OAS2: variants seen among roughly 807,000 people sequenced by gnomAD.
The protein encoded by OAS2 is 2'-5'-oligoadenylate synthetase 2, also known as 2'-5'-oligoadenylate synthase 2.
In OAS2, 67 loss-of-function variants were observed where a neutral mutation model predicts 71.3. The ratio of observed to expected loss-of-function variants is 0.94; its 90% CI spans 0.77 to 1.15. The LOEUF is 1.15. Ranked by LOEUF, OAS2 falls within the 50% of genes most tolerant of loss-of-function variation. The pLI, the probability that OAS2 is intolerant of heterozygous loss-of-function variation, is 0.00. For missense variants in OAS2, 789 were observed against 822.5 expected (o/e 0.96, Z 0.50); for synonymous variants, 327 against 321.8 (o/e 1.02, Z -0.17).
At position 113,010,573 on chromosome 12, in the gene OAS2, C is replaced by T; in HGVS notation, c.*1318C>T. On this transcript the variant is annotated 3_prime_UTR_variant, in exon 10 of 10. Transcript: ENST00000392583. ...TCTTCCCTTGATGGTCCCTATTCCT[C>T]CTTCCCTTGCTTCTTGGACTTCTTG... 6.5e-7 allele frequency: 1 copy of T among 1,534,270 alleles called. No homozygotes were observed. Among genetic ancestry groups the T allele is most frequent in the Non-Finnish European group, 8.7e-7 (1 of 1,148,350 alleles).
rs115579124 is a variant in OAS2 at position 112,983,812 on chromosome 12, C to T, written c.178-3226C>T. On this transcript the variant is annotated intron_variant, in intron 1 of 9. Transcript: ENST00000392583. The stretch of plus-strand genomic sequence containing the variant: ...GTCTGTATCCATTGTGGTAAGTATC[C>T]ATTAAGATACCTGACAGTATTTCAA... 2.7e-3 allele frequency among the ~76,000 whole-genome samples: 407 copies of T among 152,258 alleles called. 1 individual carries two copies. The highest frequency in any genetic ancestry group is 9.4e-3 in the African/African-American group (392 of 41,524).
intron 1 of OAS2, among the ~76,000 whole-genome samples, chr12:112,980,431 A>G (rs540883942): frequency 3.9e-5 from 6 of 152,262 alleles, no homozygotes; most frequent in African/African-American, 1.4e-4. Flanking sequence ...GGTAACTATG[A>G]TCCTACTCTC....
In OAS2 at chr12:113,006,614, T is replaced by C; in HGVS notation, c.1656+14T>C. 1 of 1,543,130 alleles carries C rather than the reference T, an allele frequency of 6.5e-7. No individual in the cohort carries two copies. The highest frequency in any genetic ancestry group is 1.2e-5 in the South Asian group (1 of 82,280). ...TGGTACAAAGAGGTAAGGACAGTCT[T>C]TGTTCTGACCATGGGGTTATTATTT... On this transcript the variant is annotated intron_variant, in intron 8 of 9. Coordinates refer to ENST00000392583, the MANE Select transcript of OAS2 (RefSeq NM_002535.3).
chr12:113,004,008 C>G (rs537959960), intron 6 of OAS2, among the ~76,000 whole-genome samples: 1 of 152,284 alleles, frequency 6.6e-6, no homozygotes, highest in Non-Finnish European at 1.5e-5. Flanking sequence ...ACCCCATTCA[C>G]ATGATAGTCA....
chr12:113,007,756 G>A lies in OAS2; in HGVS notation c.1708G>A (p.Glu570Lys). The A allele has an allele frequency of 6.2e-7, 1 of 1,614,146 alleles. No individual in the cohort carries two copies. Among genetic ancestry groups the A allele is most frequent in the Non-Finnish European group, 8.5e-7 (1 of 1,180,004 alleles). The change falls in exon 9 of 10, where the codon GAG becomes AAG. Residue 570 changes from glutamate to lysine, a missense_variant. Physicochemically the swap from Glu to Lys is moderately conservative, Grantham distance 56 (BLOSUM62 1). Coordinates refer to ENST00000392583, the MANE Select transcript of OAS2 (RefSeq NM_002535.3). ...GTCTTTGCCCCCAAAGTATGCCTTGGAGCTGCTCACCATCTATGCCTGGGA... is the reference window on the plus strand; with the variant it reads ...GTCTTTGCCCCCAAAGTATGCCTTGAAGCTGCTCACCATCTATGCCTGGGA... ...KGSLPPKYAL[E>K]LLTIYAWEQG...
At chr12:112,989,384 C>T (rs1391366795) in intron 2 of OAS2, among the ~76,000 whole-genome samples, 2 of 152,136 alleles carry the variant, frequency 1.3e-5, no homozygotes. Context: ...AGCATGAGAA[C>T]AGACTAATAC....
chr12:112,980,165 A>G (rs555776598), intron 1 of OAS2, among the ~76,000 whole-genome samples: 1 of 152,224 alleles, frequency 6.6e-6, no homozygotes, highest in South Asian at 2.1e-4. Context: ...GGTACATGTG[A>G]TATTTGGACA....
At position 112,978,843 on chromosome 12, in the gene OAS2, A is replaced by G; in HGVS notation, c.177+58A>G. On this transcript the variant is annotated intron_variant, in intron 1 of 9. Transcript: ENST00000392583. This position sits in a 1 kb window ranked among gnomAD's most constrained non-coding sequence, Gnocchi z 4.2. ...GGCAGGAGATTCCACGGCGGCAGCAAGGCCGAGCTACTGGGTGCTGGGTGC... is the reference window on the plus strand; with the variant it reads ...GGCAGGAGATTCCACGGCGGCAGCAGGGCCGAGCTACTGGGTGCTGGGTGC... The G allele has an allele frequency of 1.9e-6, 3 of 1,544,186 alleles. No individual in the cohort carries two copies. In the East Asian group the frequency reaches 6.9e-5, roughly 35 times the overall value.
chr12:112,986,105 A>T (rs2136378189), intron 1 of OAS2, among the ~76,000 whole-genome samples: 1 of 152,366 alleles, frequency 6.6e-6, no homozygotes, highest in East Asian at 1.9e-4. Context: ...TTTCATTAGC[A>T]TCAGTGTTGT....
Position 113,009,350 on chromosome 12 carries a change from G to C in OAS2, c.*95G>C. 6.5e-7 allele frequency: 1 copy of C among 1,541,206 alleles called. No homozygotes were observed. The highest frequency in any genetic ancestry group is 8.7e-7 in the Non-Finnish European group (1 of 1,148,516). ...GAAATTAACTCAGACACAAATAAAG[G>C]AAACCCAGCTCACAGGAGCTTAAAC... On this transcript the variant is annotated 3_prime_UTR_variant, in exon 10 of 10. Coordinates refer to ENST00000392583, the MANE Select transcript of OAS2 (RefSeq NM_002535.3).
At chr12:112,983,786 G>A (rs2044104943) in intron 1 of OAS2, among the ~76,000 whole-genome samples, 1 of 152,064 alleles carries the variant, frequency 6.6e-6, no homozygotes, top group East Asian at 1.9e-4. Flanking sequence ...GTTCCATTGT[G>A]GTCTGTATCC....
chr12:113,002,807 T>C (rs1478034929), intron 5 of OAS2, 125 bp from the exon 6 acceptor site: 3 of 779,126 alleles, frequency 3.9e-6, no homozygotes, highest in Admixed American at 2.3e-5. Context: ...ACGGAAAAGA[T>C]GCCAGCCCAC....
chr12:112,988,847 A>AGAGGGTTCTTGG, intron 2 of OAS2: 3 of 546,448 alleles, frequency 5.5e-6, no homozygotes, highest in Non-Finnish European at 7.0e-6. Flanking sequence ...GAGATCCAAG[A>AGAGGGTTCTTGG]ACCCTCTCTT....
rs372590794 is a variant in OAS2 at position 112,997,559 on chromosome 12, T to A, written c.667T>A (p.Tyr223Asn). ...KIKDLPSLSP[Y>N]ALELLTVYAW... ...CAAGGATTTACCCTCGCTGTCTCCG[T>A]ATGCCCTGGAGCTGCTTACGGTGTA... The change falls in exon 4 of 10, where the codon TAT (tyrosine) becomes AAT (asparagine). Residue 223 changes from tyrosine to asparagine, a missense_variant. Transcript: ENST00000392583. 1.9e-5 allele frequency: 30 copies of A among 1,614,030 alleles called. No homozygotes were observed. In the African/African-American group the frequency reaches 4.0e-4, roughly 22 times the overall value.
rs201224493 is a variant in OAS2 at position 113,009,098 on chromosome 12, T to C, written c.1907T>C (p.Leu636Ser). The change falls in exon 10 of 10, where the codon TTG (leucine) becomes TCG (serine). Residue 636 changes from leucine to serine, a missense_variant. By Grantham distance (145) the Leu-to-Ser change is moderately radical (BLOSUM62 -2). Coordinates refer to ENST00000392583, the MANE Select transcript of OAS2 (RefSeq NM_002535.3). ...SQLQKTRPVI[L>S]DPAEPTGDVG... ...AACCTCTCATTCAGGCCTGTGATCT[T>C]GGACCCAGCCGAACCCACAGGTGAC... The C allele has an allele frequency of 4.5e-5, 72 of 1,613,474 alleles. No individual in the cohort carries two copies. The highest frequency in any genetic ancestry group is 5.8e-5 in the Non-Finnish European group (68 of 1,179,918).
chr12:112,993,470 C>G (rs2044209073), intron 2 of OAS2, among the ~76,000 whole-genome samples: 1 of 152,200 alleles, frequency 6.6e-6, no homozygotes, highest in African/African-American at 2.4e-5. Flanking sequence ...ATAGAATGCT[C>G]TTTCCGTCAA....
intron 2 of OAS2, chr12:112,988,363 T>TGGACAGG (rs1436325004): frequency 3.8e-5 from 16 of 419,652 alleles, no homozygotes; most frequent in Non-Finnish European, 5.1e-5. Flanking sequence ...AGAAGATTTA[T>TGGACAGG]GGACAGGAAA....
In OAS2 at chr12:113,006,655, G is replaced by A. The variant is rs770286490; in HGVS notation, c.1656+55G>A. 4.9e-6 allele frequency: 7 copies of A among 1,430,498 alleles called. No homozygotes were observed. The East Asian group carries it at 1.6e-4, about 33-fold the overall frequency. 88.6% of individuals were successfully genotyped at this position (1,430,498 alleles called of 1,614,324 possible). ...GTTATTATTTTTACCAGTAAGCCAT[G>A]AACATTAAGCCCTGTTGCCCACAAT... On this transcript the variant is annotated intron_variant, in intron 8 of 9. Transcript: ENST00000392583.
In OAS2 at chr12:113,003,435, G is replaced by T. The variant is rs900816153; in HGVS notation, c.1179+333G>T. Among the ~76,000 whole-genome samples the T allele has an allele frequency of 2.0e-5, 3 of 152,164 alleles. No homozygotes were observed. In the South Asian group the frequency reaches 6.2e-4, roughly 32 times the overall value. ...TCCTCCCCCTTCTCTTCTTTTCTAAGAACACTTGTCATAGGATTTAGGGCC... is the reference window on the plus strand; with the variant it reads ...TCCTCCCCCTTCTCTTCTTTTCTAATAACACTTGTCATAGGATTTAGGGCC... On this transcript the variant is annotated intron_variant, in intron 6 of 9. Transcript: ENST00000392583.
Sources: allele counts gnomAD v4.1 joint callset (sites outside exome capture counted in the v4.1 genomes callset), GRCh38; gene constraint gnomAD v4.1.1; non-coding constraint Gnocchi (gnomAD v3.1); transcripts MANE v1.5; gene names NCBI Gene and HGNC (gene_info 2026-07-23, HGNC 2026-07-21).